KIAA1549L: variants seen among roughly 807,000 people sequenced by gnomAD.
The protein encoded by KIAA1549L is KIAA1549 like.
A neutral mutation model predicts 160.7 loss-of-function variants in KIAA1549L; 88 were observed. That is an observed-to-expected ratio of 0.55 (90% CI 0.46 to 0.65). The LOEUF (loss-of-function observed/expected upper bound fraction) is 0.65, where lower values mean the gene tolerates loss of function less well. Ranked by LOEUF, KIAA1549L falls within the 30% of genes least tolerant of loss-of-function variation. The probability of loss-of-function intolerance (pLI) is 0.00; values close to 1 mark genes in which losing one functional copy is unlikely to be tolerated. For missense variants in KIAA1549L, 2,258 were observed against 2,437.5 expected (o/e 0.93, Z 1.55); for synonymous variants, 950 against 976.7 (o/e 0.97, Z 0.51).
In KIAA1549L at chr11:33,544,993, C is replaced by G. The variant is rs199569336; in HGVS notation, c.3000C>G (p.Val1000=). Residue 1000 remains valine, a synonymous_variant, in exon 3 of 21, where the codon GTC becomes GTG. Coordinates refer to ENST00000658780, the MANE Select transcript of KIAA1549L (RefSeq NM_012194.3). ...ASGPKRTPGA[V]HTAFPFTPTY... ...GCCCAAAGAGGACACCAGGGGCAGT[C>G]CATACAGCCTTCCCATTCACACCAA... The G allele has an allele frequency of 3.0e-4, 483 of 1,614,036 alleles. 1 individual carries two copies. Among genetic ancestry groups the G allele is most frequent in the Middle Eastern group, 4.9e-4 (3 of 6,062 alleles).
chr11:33,667,461 C>T (rs540748015), intron 20 of KIAA1549L, among the ~76,000 whole-genome samples: 30 of 151,858 alleles, frequency 2.0e-4, no homozygotes, highest in East Asian at 1.9e-4. Flanking sequence ...GGTACAATCT[C>T]GGCTCATTGC....
At chr11:33,576,250 C>T (rs1855443753) in intron 10 of KIAA1549L, among the ~76,000 whole-genome samples, 1 of 152,172 alleles carries the variant, frequency 6.6e-6, no homozygotes, top group African/African-American at 2.4e-5. Flanking sequence ...CTGCTCAGCT[C>T]TTGTCTTTAT....
intron 11 of KIAA1549L, among the ~76,000 whole-genome samples, chr11:33,588,356 G>T (rs922265998): frequency 1.3e-5 from 2 of 152,180 alleles, no homozygotes; most frequent in South Asian, 4.1e-4. Flanking sequence ...GGGCAGGCAG[G>T]TTCAGCTGGC....
rs374303670 is a variant in KIAA1549L, at chr11:33,658,831, C to T, written c.5940C>T (p.Ser1980=). ...PEPAQLHDSA[S]FTQMSRGPVS... is the part of the protein sequence containing the mutation. The stretch of plus-strand genomic sequence containing the variant: ...CGGCCCAGCTGCACGACAGCGCCTC[C>T]TTCACGCAGATGTCCAGAGGCCCTG... The change falls in exon 19 of 21, where the codon TCC becomes TCT. Residue 1980 remains serine, a synonymous_variant. Coordinates refer to ENST00000658780, the MANE Select transcript of KIAA1549L (RefSeq NM_012194.3). 76 of 1,564,490 alleles carry T rather than the reference C, an allele frequency of 4.9e-5. 1 individual carries two copies. The Middle Eastern group carries it at 2.8e-3, about 58-fold the overall frequency.
At chr11:33,554,530 C>T (rs372033013) in intron 6 of KIAA1549L, among the ~76,000 whole-genome samples, 4 of 152,200 alleles carry the variant, frequency 2.6e-5, no homozygotes, top group Admixed American at 6.5e-5. Context: ...TTGCTCTGCA[C>T]GGGCATTGTC....
At chr11:33,587,543 A>T (rs1849918903) in intron 11 of KIAA1549L, among the ~76,000 whole-genome samples, 1 of 152,198 alleles carries the variant, frequency 6.6e-6, no homozygotes, top group Non-Finnish European at 1.5e-5. Flanking sequence ...TTGTTGGAGG[A>T]TGAGATGAGA....
chr11:33,607,319 C>T (rs974647670), intron 14 of KIAA1549L, among the ~76,000 whole-genome samples: 1 of 152,086 alleles, frequency 6.6e-6, no homozygotes, highest in Non-Finnish European at 1.5e-5. Flanking sequence ...TTGGCTGCTT[C>T]CAGAAAGCTA....
At chr11:33,630,473 A>G (rs1851251353) in intron 16 of KIAA1549L, among the ~76,000 whole-genome samples, 1 of 152,232 alleles carries the variant, frequency 6.6e-6, no homozygotes, top group Non-Finnish European at 1.5e-5. Context: ...TGCGGGATAT[A>G]ATCTCCTGGT....
chr11:33,655,598 G>A (rs932170767), intron 17 of KIAA1549L, among the ~76,000 whole-genome samples: 9 of 152,164 alleles, frequency 5.9e-5, no homozygotes, highest in African/African-American at 2.2e-4. Flanking sequence ...GTGGCAGATC[G>A]TAAATAAACA....
chr11:33,662,345 C>T (rs574518254), intron 20 of KIAA1549L, among the ~76,000 whole-genome samples: 1 of 152,212 alleles, frequency 6.6e-6, no homozygotes, highest in African/African-American at 2.4e-5. Flanking sequence ...GCAAATGAGG[C>T]TTATCTGTGC....
intron 1 of KIAA1549L, among the ~76,000 whole-genome samples, chr11:33,467,219 T>C (rs1014824979): frequency 5.3e-5 from 8 of 152,012 alleles, no homozygotes; most frequent in Admixed American, 3.3e-4. Flanking sequence ...GCTTGAAAAT[T>C]TGGAGAAGCA....
At chr11:33,582,261 G>T (rs1855669683) in intron 10 of KIAA1549L, among the ~76,000 whole-genome samples, 1 of 152,194 alleles carries the variant, frequency 6.6e-6, no homozygotes. Flanking sequence ...CAAATGAGAG[G>T]TAGATCTTGG....
At chr11:33,513,938 C>T (rs1853282298) in intron 1 of KIAA1549L, among the ~76,000 whole-genome samples, 1 of 152,204 alleles carries the variant, frequency 6.6e-6, no homozygotes. Flanking sequence ...GAATGCTCCA[C>T]TGACTCTTCC....
Position 33,446,668 on chromosome 11 carries a change from CT to C in KIAA1549L, c.238+69790del, listed in dbSNP as rs938940295. Among the ~76,000 whole-genome samples the C allele has an allele frequency of 3.3e-4, 49 of 147,368 alleles. 1 individual carries two copies. Among genetic ancestry groups the C allele is most frequent in the Admixed American group, 4.1e-4 (6 of 14,686 alleles). ...AAGGCTTGACTGGTGCTAGAGGATA[CT>C]TTTTTTTTTTAAATTTAAGTTTTAG... is the stretch of plus-strand genomic sequence containing the variant. On this transcript the variant is annotated intron_variant, in intron 1 of 20. Transcript: ENST00000658780.
intron 1 of KIAA1549L, among the ~76,000 whole-genome samples, chr11:33,507,370 C>CT (rs769262016): frequency 1.3e-5 from 2 of 152,130 alleles, no homozygotes; most frequent in Non-Finnish European, 2.9e-5. Context: ...TGGTTTGATG[C>CT]TATATATTGA....
At chr11:33,619,460 CTTATG>C (rs1351704941) in intron 16 of KIAA1549L, among the ~76,000 whole-genome samples, 10 of 152,152 alleles carry the variant, frequency 6.6e-5, no homozygotes, top group Non-Finnish European at 1.0e-4. Context: ...TCTAGATAAA[CTTATG>C]TTATAATTTA....
At chr11:33,590,104 T>C (rs11032310) in intron 11 of KIAA1549L, among the ~76,000 whole-genome samples, 31,917 of 152,198 alleles carry the variant, frequency 0.21, 3,733 homozygotes, top group East Asian at 0.37. Context: ...GGCACTTATC[T>C]AAATGCTGAA....
chr11:33,606,595 C>A, intron 13 of KIAA1549L, 46 bp from the exon 14 acceptor site: 1 of 1,579,792 alleles, frequency 6.3e-7, no homozygotes, highest in Non-Finnish European at 8.7e-7. Context: ...TGGGATCACA[C>A]AGCTCCCCAA....
At chr11:33,508,128 C>T (rs1281712530) in intron 1 of KIAA1549L, among the ~76,000 whole-genome samples, 1 of 152,200 alleles carries the variant, frequency 6.6e-6, no homozygotes, top group East Asian at 1.9e-4. Context: ...AGCTCTCAAT[C>T]AAGATCTTGC....
Sources: allele counts gnomAD v4.1 joint callset (sites outside exome capture counted in the v4.1 genomes callset), GRCh38; gene constraint gnomAD v4.1.1; transcripts MANE v1.5; gene names NCBI Gene and HGNC (gene_info 2026-07-23, HGNC 2026-07-21).